The following MUC4 variants were observed in gnomAD, a reference collection of about 807,000 sequenced individuals.
MUC4 encodes mucin-4.
A neutral mutation model predicts 257.9 loss-of-function variants in MUC4; 202 were observed. The observed-to-expected ratio is 0.78, with a 90% CI of 0.70 to 0.88. The LOEUF (loss-of-function observed/expected upper bound fraction) is 0.88. Among genes scored for constraint, MUC4 ranks in the 40% least tolerant of loss-of-function variants. The probability of loss-of-function intolerance (pLI) is 0.00; values close to 1 mark genes in which losing one functional copy is unlikely to be tolerated. For missense variants in MUC4, 5,976 were observed against 6,513.7 expected, an observed-to-expected ratio of 0.92 and a Z score of 2.84; for synonymous variants, 2,351 against 2,757.1, an observed-to-expected ratio of 0.85 and a Z score of 4.62.
At chr3:195,768,355 G>A (rs944638357) in intron 7 of MUC4, among the ~76,000 whole-genome samples, 21 of 152,190 alleles carry the variant, frequency 1.4e-4, no homozygotes, top group African/African-American at 2.4e-4. Context: ...CAGAGATGGC[G>A]CACTGCTACA....
At chr3:195,778,710 A>C in intron 2 of MUC4, 80 bp downstream of exon 2, 1 of 1,436,800 alleles carries the variant, frequency 7.0e-7, no homozygotes, top group Non-Finnish European at 9.4e-7. Context: ...CGAATGCACC[A>C]GTGTTCTCAG....
At chr3:195,804,145 G>A (rs972285886) in intron 1 of MUC4, among the ~76,000 whole-genome samples, 1 of 152,238 alleles carries the variant, frequency 6.6e-6, no homozygotes, top group Non-Finnish European at 1.5e-5. Flanking sequence ...TTGGCACTGA[G>A]GTAGAGACGT....
rs201530979 is a variant in MUC4, at chr3:195,790,543, G to T, written c.1037C>A (p.Pro346Gln). 3 of 1,613,836 alleles carry T rather than the reference G, an allele frequency of 1.9e-6. No homozygotes were observed. Among genetic ancestry groups the T allele is most frequent in the African/African-American group, 1.3e-5 (1 of 74,912 alleles). ...SQINTLNTLT[P>Q]VTTSTVLSSP... Reference sequence around the variant, plus strand: ...GGATAAAACAGTTGATGTTGTAACCGGTGTGAGGGTGTTGAGGGTGTTGAT... The same window carrying T: ...GGATAAAACAGTTGATGTTGTAACCTGTGTGAGGGTGTTGAGGGTGTTGAT... Residue 346 changes from proline to glutamine, a missense_variant, in exon 2 of 25, where the codon CCG becomes CAG. Transcript: ENST00000463781.
At position 195,753,156 on chromosome 3, in the gene MUC4, T is replaced by A. The variant is rs779733097; in HGVS notation, c.15403A>T (p.Ile5135Phe). Residue 5135 changes from isoleucine (I) to phenylalanine (F), a missense_variant, in exon 20 of 25, where the codon ATC (isoleucine) becomes TTC (phenylalanine). Physicochemically the swap from Ile to Phe is conservative, Grantham distance 21. Coordinates refer to ENST00000463781, the MANE Select transcript of MUC4 (RefSeq NM_018406.7). The stretch of plus-strand genomic sequence containing the variant: ...GGCTGACAGCCCAGAGTCTGGGAGA[T>A]GTAGCAGTGGCCTTGATTGTAGCAG... ...NYCYNQGHCY[I>F]SQTLGCQPMC... is the part of the protein sequence containing the mutation. The A allele has an allele frequency of 6.2e-7, 1 of 1,613,450 alleles. No homozygotes were observed. Among genetic ancestry groups the A allele is most frequent in the Non-Finnish European group, 8.5e-7 (1 of 1,179,820 alleles).
At position 195,789,893 on chromosome 3, in the gene MUC4, C is replaced by T. The variant is rs199956413; in HGVS notation, c.1687G>A (p.Ala563Thr). 47 of 1,613,840 alleles carry T rather than the reference C, an allele frequency of 2.9e-5. No homozygotes were observed. In the African/African-American group the frequency reaches 3.2e-4, roughly 11 times the overall value. ...GTTTCTTGTGTCCATTGTGTCTGGG[C>T]GCCTGCCCCTGTTGTTTTTGGGAGA... ...TTLPKTTGAG[A>T]QTQWTQETGT... Residue 563 changes from alanine to threonine, a missense_variant, in exon 2 of 25, where the codon GCC becomes ACC. Around this residue, in one of 44 missense-constraint regions of MUC4, gnomAD observed 1,583 missense variants for 1,257.4 expected, o/e 1.26. Transcript: ENST00000463781.
intron 1 of MUC4, among the ~76,000 whole-genome samples, chr3:195,792,469 A>G (rs1733985560): frequency 6.6e-6 from 1 of 152,246 alleles, no homozygotes; most frequent in Non-Finnish European, 1.5e-5. Context: ...ATTATTAAAA[A>G]GTCAAGAAAC....
At position 195,785,528 on chromosome 3, in the gene MUC4, G is replaced by C; in HGVS notation, c.6052C>G (p.Pro2018Ala). 6.6e-7 allele frequency: 1 copy of C among 1,521,010 alleles called. No homozygotes were observed. The highest frequency in any genetic ancestry group is 8.9e-7 in the Non-Finnish European group (1 of 1,128,302). 94.2% of individuals were successfully genotyped at this position (1,521,010 alleles called of 1,614,324 possible). A position where few individuals can be genotyped will look rare whatever the true frequency, so the allele number is the denominator to read the frequency against. Residue 2018 changes from proline (P) to alanine (A), a missense_variant, in exon 2 of 25, where the codon CCT (proline) becomes GCT (alanine). By Grantham distance (27) the Pro-to-Ala change is conservative (BLOSUM62 -1). This residue lies in a region of MUC4 where 51 missense variants were observed against 45.1 expected (regional missense o/e 1.13). Transcript: ENST00000463781. Reference protein sequence around the residue: ...SVSTGQATPLPVTSLSSASTG... With the variant: ...SVSTGQATPLAVTSLSSASTG... ...GATGCTGAGGAAAGGCTGGTGACAG[G>C]AAGAGGGGTGGCCTGTCCTGTAGAT...
rs1725739864 is a variant in MUC4, at chr3:195,778,911, G to C, written c.12669C>G (p.Thr4223=). The change falls in exon 2 of 25, where the codon ACC becomes ACG. Residue 4223 remains threonine (T), a synonymous_variant. Transcript: ENST00000463781. The part of the protein sequence containing the change: ...DTSSASTGHA[T]PLPVTSLSSV... Reference sequence around the variant, plus strand: ...AGGAAAGGCTGGTGACAGGAAGAGGGGTGGCGTGACCTGTGGATGCTGAGG... The same window carrying C: ...AGGAAAGGCTGGTGACAGGAAGAGGCGTGGCGTGACCTGTGGATGCTGAGG... 2.6e-6 allele frequency: 4 copies of C among 1,562,406 alleles called. No individual in the cohort carries two copies. Among genetic ancestry groups the C allele is most frequent in the South Asian group, 2.3e-5 (2 of 85,224 alleles).
chr3:195,753,100 G>C lies in MUC4; in HGVS notation c.15459C>G (p.Asp5153Glu). The C allele has an allele frequency of 1.2e-6, 2 of 1,613,074 alleles. No individual in the cohort carries two copies. The highest frequency in any genetic ancestry group is 1.7e-6 in the Non-Finnish European group (2 of 1,179,684). The change falls in exon 20 of 25, where the codon GAC becomes GAG. Residue 5153 changes from aspartate (D) to glutamate (E), a missense_variant. Physicochemically the swap from Asp to Glu is conservative, Grantham distance 45 (BLOSUM62 2). Transcript: ENST00000463781. ...PMCTCPPAFT[D>E]SRCFLAGNNF... ...TGTTCCCAGCCAGGAAGCAGCGGCT[G>C]TCAGTGAAGGCTGGGGGGCAGGTGC...
In MUC4 at chr3:195,761,533, G is replaced by A. The variant is rs1011298438; in HGVS notation, c.14565C>T (p.Thr4855=). The part of the protein sequence containing the change: ...EDDFRMPNGS[T]IPPGSPEEML... ...TCTCCTCAGGGCTCCCTGGGGGAAT[G>A]GTGGAGCCATTGGGCATCCTGAAGT... Residue 4855 remains threonine, a synonymous_variant, in exon 15 of 25, where the codon ACC becomes ACT. Coordinates refer to ENST00000463781, the MANE Select transcript of MUC4 (RefSeq NM_018406.7). 1 of 1,614,164 alleles carries A rather than the reference G, an allele frequency of 6.2e-7. No homozygotes were observed. The highest frequency in any genetic ancestry group is 8.5e-7 in the Non-Finnish European group (1 of 1,179,992).
chr3:195,767,402 C>T (rs1026354861), intron 7 of MUC4, among the ~76,000 whole-genome samples: 4 of 150,336 alleles, frequency 2.7e-5, no homozygotes, highest in Non-Finnish European at 5.9e-5. Flanking sequence ...ACCACCACCA[C>T]CATCATCGTC....
chr3:195,806,764 T>C (rs1560423567), intron 1 of MUC4, among the ~76,000 whole-genome samples: 2 of 152,198 alleles, frequency 1.3e-5, no homozygotes, highest in South Asian at 4.1e-4. Context: ...GCCTCACTTA[T>C]GGGTTCTATG....
intron 20 of MUC4, among the ~76,000 whole-genome samples, chr3:195,752,681 G>A (rs1026027643): frequency 1.3e-5 from 2 of 151,956 alleles, no homozygotes; most frequent in African/African-American, 2.4e-5. Context: ...TGAGCAAACC[G>A]GGAGAAGTGG....
chr3:195,793,649 C>T (rs1014163404), intron 1 of MUC4, among the ~76,000 whole-genome samples: 7 of 152,268 alleles, frequency 4.6e-5, no homozygotes, highest in South Asian at 2.1e-4. Flanking sequence ...CTCCAGCTCC[C>T]GCCTGTCTTC....
Position 195,765,396 on chromosome 3 carries a change from G to A in MUC4, c.13672C>T (p.Arg4558Cys), listed in dbSNP as rs778919268. ...TTCAGCCACTGCAGGCACTCGAGAC[G>A]GTAGTTGGGCCTTTCTTCCCGGTGT... Reference protein sequence around the residue: ...RLHREERPNYRLECLQWLKSQ... With the variant: ...RLHREERPNYCLECLQWLKSQ... The change falls in exon 9 of 25, where the codon CGT becomes TGT. Residue 4558 changes from arginine (R) to cysteine (C), a missense_variant. By Grantham distance (180) the Arg-to-Cys change is radical. This residue lies in a region of MUC4 where 996 missense variants were observed against 1,137.3 expected (regional missense o/e 0.88). Coordinates refer to ENST00000463781, the MANE Select transcript of MUC4 (RefSeq NM_018406.7). 1.4e-5 allele frequency: 22 copies of A among 1,613,520 alleles called. No homozygotes were observed. The highest frequency in any genetic ancestry group is 1.7e-5 in the Non-Finnish European group (20 of 1,180,046).
chr3:195,773,887 A>G (rs11928440), intron 4 of MUC4, among the ~76,000 whole-genome samples: 26,799 of 152,268 alleles, frequency 0.18, 3,521 homozygotes, highest in African/African-American at 0.37. Context: ...GGCCAGAGAC[A>G]AATCCCAGAA....
chr3:195,754,494 C>T (rs1560225389), intron 18 of MUC4, 122 bp from the exon 19 acceptor site: 7 of 1,269,610 alleles, frequency 5.5e-6, no homozygotes, highest in Non-Finnish European at 6.4e-6. Context: ...TCAGCCCCAC[C>T]AGCACCTGCT....
Position 195,749,016 on chromosome 3 carries a change from C to A in MUC4, c.15920G>T (p.Gly5307Val). Residue 5307 changes from glycine to valine, a missense_variant, in exon 24 of 25, where the codon GGC (glycine) becomes GTC (valine). Around this residue, in one of 44 missense-constraint regions of MUC4, gnomAD observed 310 missense variants for 242.1 expected, o/e 1.28. Transcript: ENST00000463781. ...KAYFRCDGYK[G>V]YDLVYSPQSG... The stretch of plus-strand genomic sequence containing the variant: ...CTGGGGGCTGTAGACCAGGTCGTAG[C>A]CCTTGTAGCCATCGCATCTGAAGTA... 6.2e-7 allele frequency: 1 copy of A among 1,609,568 alleles called. No individual in the cohort carries two copies. Among genetic ancestry groups the A allele is most frequent in the East Asian group, 2.2e-5 (1 of 44,678 alleles).
chr3:195,759,054 T>C, intron 17 of MUC4, 70 bp downstream of exon 17: 1 of 1,574,534 alleles, frequency 6.4e-7, no homozygotes, highest in Non-Finnish European at 8.6e-7. Flanking sequence ...ATGCAGAATT[T>C]CCCAAATTTG....
Sources: gnomAD v4.1 joint callset for allele counts (sites outside exome capture counted in the v4.1 genomes callset) on GRCh38, gnomAD v4.1.1 for gene constraint, gnomAD v4.1.1 regional missense constraint, MANE v1.5 for transcripts, NCBI Gene and HGNC (gene_info 2026-07-23, HGNC 2026-07-21) for gene names.